GABRR3: variants seen among roughly 807,000 people sequenced by gnomAD.
GABRR3 encodes gamma-aminobutyric acid type A receptor subunit rho3, also known as gamma-aminobutyric acid receptor subunit rho-3.
Under a neutral mutation model 43.2 loss-of-function variants are expected in GABRR3, and 29 were observed. The observed-to-expected ratio is 0.67, with a 90% CI of 0.50 to 0.92. GABRR3 has a LOEUF of 0.92. GABRR3 is among the 40% of genes least tolerant of loss of function. The probability of loss-of-function intolerance (pLI) is 0.00; values close to 1 mark genes in which losing one functional copy is unlikely to be tolerated. For missense variants in GABRR3, 576 were observed against 572.3 expected, an observed-to-expected ratio of 1.01 and a Z score of -0.07; for synonymous variants, 206 against 195.9, an observed-to-expected ratio of 1.05 and a Z score of -0.43.
chr3:98,006,637 T>C (rs1706726764), intron 7 of GABRR3, among the ~76,000 whole-genome samples: 1 of 152,210 alleles, frequency 6.6e-6, no homozygotes, highest in Admixed American at 6.5e-5. Context: ...AGGACAGCTC[T>C]GAAACTCAGG....
intron 2 of GABRR3, among the ~76,000 whole-genome samples, chr3:98,030,318 T>A (rs1009689861): frequency 3.9e-5 from 6 of 152,170 alleles, no homozygotes; most frequent in African/African-American, 1.2e-4. Flanking sequence ...CTGTTACTTA[T>A]AATAGTGCAA....
chr3:98,006,160 T>C (rs1706722239), intron 7 of GABRR3, among the ~76,000 whole-genome samples: 1 of 152,062 alleles, frequency 6.6e-6, no homozygotes, highest in African/African-American at 2.4e-5. Flanking sequence ...AATAATAATA[T>C]AGTTTATCTC....
At chr3:98,009,109 A>G in intron 5 of GABRR3, 71 bp from the exon 6 acceptor site, 1 of 943,678 alleles carries the variant, frequency 1.1e-6, no homozygotes, top group East Asian at 2.7e-5. Context: ...TGCAACATTG[A>G]AGCTTTCTTA....
chr3:98,034,920 G>T (rs945319333), exon 2 of GABRR3: 13 of 1,613,032 alleles, frequency 8.1e-6, no homozygotes, highest in Non-Finnish European at 1.1e-5. Context: ...GTTAGAAGCA[G>T]CACAAACATT....
chr3:97,990,506 C>T (rs1396998758), intron 9 of GABRR3, among the ~76,000 whole-genome samples: 2 of 152,074 alleles, frequency 1.3e-5, no homozygotes, highest in South Asian at 2.1e-4. Flanking sequence ...CCACCACACG[C>T]CCGGCTAATT....
chr3:98,034,585 A>G (rs575385621), intron 2 of GABRR3, among the ~76,000 whole-genome samples: 1 of 152,198 alleles, frequency 6.6e-6, no homozygotes, highest in Admixed American at 6.6e-5. Flanking sequence ...TTGAAGAAAT[A>G]CATTCTCTGA....
intron 8 of GABRR3, among the ~76,000 whole-genome samples, chr3:97,996,166 C>T (rs1706551097): frequency 6.6e-6 from 1 of 152,120 alleles, no homozygotes; most frequent in Admixed American, 6.5e-5. Context: ...AGTTTCTTCA[C>T]CCCCTCAGTA....
At chr3:98,026,628 C>CATCATA in intron 2 of GABRR3, among the ~76,000 whole-genome samples, 1 of 152,020 alleles carries the variant, frequency 6.6e-6, no homozygotes, top group African/African-American at 2.4e-5. Flanking sequence ...TCATCATCAT[C>CATCATA]ATCATCATCA....
Position 98,008,951 on chromosome 3 carries a change from CT to C in GABRR3, c.613+4del. ...GCACTCACTCCACCAGGAAGTGAGA[CT>C]TACAGCTTTCCAGTTCAAGAGAACA... is the stretch of plus-strand genomic sequence containing the variant. On this transcript the variant is annotated splice_donor_region_variant and intron_variant, in intron 6 of 9. Transcript: ENST00000621172. The C allele has an allele frequency of 6.3e-7, 1 of 1,584,512 alleles. No homozygotes were observed. The highest frequency in any genetic ancestry group is 1.1e-5 in the South Asian group (1 of 87,254).
chr3:98,015,975 AACTT>A (rs1300279952), intron 4 of GABRR3, among the ~76,000 whole-genome samples: 1 of 152,162 alleles, frequency 6.6e-6, no homozygotes, highest in African/African-American at 2.4e-5. Context: ...GGCCTCACGA[AACTT>A]ACAACCACGG....
chr3:98,025,494 T>G lies in GABRR3; in HGVS notation c.238+73A>C, dbSNP rs930276223. ...GATGGACTTTACTTGCATTTTGGTC[T>G]TGTTTTAAATTTTCACCTCCATTTT... is the stretch of plus-strand genomic sequence containing the variant. On this transcript the variant is annotated intron_variant, in intron 3 of 9. Coordinates refer to ENST00000621172, the Ensembl canonical transcript of GABRR3. 33 of 995,930 alleles carry G rather than the reference T, an allele frequency of 3.3e-5. No individual in the cohort carries two copies. The African/African-American group carries it at 3.8e-4, about 11-fold the overall frequency. 61.7% of individuals were successfully genotyped at this position (995,930 alleles called of 1,614,324 possible). A position where few individuals can be genotyped will look rare whatever the true frequency, so the allele number is the denominator to read the frequency against.
intron 2 of GABRR3, among the ~76,000 whole-genome samples, chr3:98,034,200 G>T (rs1285595801): frequency 2.0e-5 from 3 of 152,102 alleles, no homozygotes; most frequent in Non-Finnish European, 4.4e-5. Flanking sequence ...ATTCCAGTAT[G>T]CCTGGGGCTG....
At chr3:98,022,749 GA>G (rs1462219455) in intron 3 of GABRR3, among the ~76,000 whole-genome samples, 1 of 152,154 alleles carries the variant, frequency 6.6e-6, no homozygotes, top group Non-Finnish European at 1.5e-5. Flanking sequence ...ATGATTGTCA[GA>G]AAAATTTCTT....
chr3:97,997,713 C>T (rs1284354693), intron 8 of GABRR3: 1 of 152,152 alleles, frequency 6.6e-6, no homozygotes, highest in East Asian at 1.9e-4. Flanking sequence ...TCATCTGAAA[C>T]ACCGTGATGA....
chr3:98,032,095 T>C (rs1401908458), intron 2 of GABRR3, among the ~76,000 whole-genome samples: 5 of 151,678 alleles, frequency 3.3e-5, no homozygotes, highest in East Asian at 3.9e-4. Flanking sequence ...TAGTATAGTA[T>C]AGTATAGTAT....
At chr3:97,993,480 C>T (rs1314247096) in intron 8 of GABRR3, among the ~76,000 whole-genome samples, 1 of 152,146 alleles carries the variant, frequency 6.6e-6, no homozygotes, top group African/African-American at 2.4e-5. Context: ...TTTAATATTT[C>T]ATGCTTCCGG....
chr3:98,001,404 C>A, intron 8 of GABRR3: 1 of 559,376 alleles, frequency 1.8e-6, no homozygotes, highest in Non-Finnish European at 3.2e-6. Context: ...TCAGCAAAGA[C>A]TTCATCCCTA....
At chr3:97,992,263 C>G (rs919112533) in intron 9 of GABRR3, among the ~76,000 whole-genome samples, 1 of 152,142 alleles carries the variant, frequency 6.6e-6, no homozygotes, top group African/African-American at 2.4e-5. Flanking sequence ...TATATAAATG[C>G]TGGCTCTCGA....
intron 4 of GABRR3, among the ~76,000 whole-genome samples, chr3:98,016,056 A>G (rs1706868481): frequency 6.6e-6 from 1 of 152,112 alleles, no homozygotes; most frequent in Non-Finnish European, 1.5e-5. Flanking sequence ...GTGCAGGGGA[A>G]ACTGCCACTT....
Sources: gnomAD v4.1 joint callset for allele counts (sites outside exome capture counted in the v4.1 genomes callset) on GRCh38, gnomAD v4.1.1 for gene constraint, MANE v1.5 for transcripts, NCBI Gene and HGNC (gene_info 2026-07-23, HGNC 2026-07-21) for gene names.